Variants in ATP2B4 observed in about 807,000 individuals in gnomAD.
The protein encoded by ATP2B4 is ATPase plasma membrane Ca2+ transporting 4.
Under a neutral mutation model 110.3 loss-of-function variants are expected in ATP2B4, and 39 were observed. That is an observed-to-expected ratio of 0.35 (90% CI 0.27 to 0.46). ATP2B4 has a LOEUF of 0.46. ATP2B4 is among the 20% of genes least tolerant of loss of function. The probability of loss-of-function intolerance (pLI) is 1.00; values close to 1 mark genes in which losing one functional copy is unlikely to be tolerated. For missense variants in ATP2B4, 1,135 were observed against 1,530.9 expected, an observed-to-expected ratio of 0.74 and a Z score of 4.32; for synonymous variants, 538 against 571.7, an observed-to-expected ratio of 0.94 and a Z score of 0.84.
chr1:203,710,388 AT>A (rs1340468199), intron 11 of ATP2B4, among the ~76,000 whole-genome samples: 9 of 152,032 alleles, frequency 5.9e-5, no homozygotes, highest in African/African-American at 9.7e-5. Context: ...AAAAGTGACT[AT>A]TAATAAATTA....
rs998689356 is a variant in ATP2B4, at chr1:203,699,690, G to C, written c.622G>C (p.Val208Leu). 1 of 1,614,034 alleles carries C rather than the reference G, an allele frequency of 6.2e-7. No homozygotes were observed. The highest frequency in any genetic ancestry group is 1.3e-5 in the African/African-American group (1 of 74,910). ...CCAGCTCCCTGTGGCTGAGATTGTG[G>C]TTGGTGATATTGCCCAAGTCAAATA... Reference protein sequence around the residue: ...LIQLPVAEIVVGDIAQVKYGD... With the variant: ...LIQLPVAEIVLGDIAQVKYGD... Residue 208 changes from valine (V) to leucine (L), a missense_variant, in exon 4 of 21, where the codon GTT becomes CTT. Physicochemically the swap from Val to Leu is conservative, Grantham distance 32 (BLOSUM62 1). Coordinates refer to ENST00000357681, the MANE Select transcript of ATP2B4 (RefSeq NM_001684.5).
intron 1 of ATP2B4, among the ~76,000 whole-genome samples, chr1:203,648,605 C>T (rs1428322968): frequency 1.3e-5 from 2 of 152,170 alleles, no homozygotes; most frequent in Non-Finnish European, 2.9e-5. Flanking sequence ...TTGTCCAAGG[C>T]ACCTGTTCGG....
Position 203,649,104 on chromosome 1 carries a change from T to C in ATP2B4, c.-465+21885T>C, listed in dbSNP as rs565247098. Among the ~76,000 whole-genome samples, 12 of 152,310 alleles carry C rather than the reference T, an allele frequency of 7.9e-5. No homozygotes were observed. The South Asian group carries it at 2.5e-3, about 32-fold the overall frequency. On this transcript the variant is annotated intron_variant, in intron 1 of 20. Transcript: ENST00000357681. ...ACAGATTCGTATTTATGGAGATTTT[T>C]GCATGGGAAAGTCCCTCCTTACTCC... is the stretch of plus-strand genomic sequence containing the variant.
chr1:203,735,002 C>CAAA lies in ATP2B4; in HGVS notation c.3310-4523_3310-4521dup, dbSNP rs35552196. On this transcript the variant is annotated intron_variant, in intron 20 of 20. Transcript: ENST00000357681. ...TGGGTGACAGAGACAGACTCCATCT[C>CAAA]AAAAAAAAAAAAAAAAAAAAAAACG... Among the ~76,000 whole-genome samples, 282 of 57,008 alleles carry CAAA rather than the reference C, an allele frequency of 4.9e-3. 5 individuals carry two copies. The highest frequency in any genetic ancestry group is 0.01 in the African/African-American group (132 of 13,114). 37.4% of individuals were successfully genotyped at this position (57,008 alleles called of 152,430 possible).
At chr1:203,712,218 T>G in intron 13 of ATP2B4, 79 bp downstream of exon 13, 1 of 1,479,786 alleles carries the variant, frequency 6.8e-7, no homozygotes, top group Admixed American at 2.0e-5. Context: ...CTGGGTCATG[T>G]GCGGGAAGGT....
At chr1:203,693,886 A>C (rs1006047976) in intron 2 of ATP2B4, among the ~76,000 whole-genome samples, 1 of 152,234 alleles carries the variant, frequency 6.6e-6, no homozygotes, top group African/African-American at 2.4e-5. Context: ...TAGGCAAACC[A>C]GGACAAGTTA....
chr1:203,687,766 G>A (rs1275992671), intron 2 of ATP2B4, among the ~76,000 whole-genome samples: 1 of 151,978 alleles, frequency 6.6e-6, no homozygotes, highest in African/African-American at 2.4e-5. Context: ...CTAAAGGCAG[G>A]TGGGACTTAA....
At chr1:203,669,422 TTGG>T (rs2102342355) in intron 1 of ATP2B4, among the ~76,000 whole-genome samples, 1 of 152,016 alleles carries the variant, frequency 6.6e-6, no homozygotes, top group South Asian at 2.1e-4. Flanking sequence ...AGGACTTTTT[TTGG>T]TTGTTGTTTG....
At chr1:203,723,223 G>A (rs1666388688) in intron 18 of ATP2B4, among the ~76,000 whole-genome samples, 1 of 150,964 alleles carries the variant, frequency 6.6e-6, no homozygotes. Context: ...TCCCTCAGCA[G>A]GGCACCTCCC....
chr1:203,685,765 A>G (rs772062144), intron 2 of ATP2B4, among the ~76,000 whole-genome samples: 1 of 152,152 alleles, frequency 6.6e-6, no homozygotes, highest in Non-Finnish European at 1.5e-5. Context: ...TTCTTTGAAA[A>G]TAATGTTAAT....
chr1:203,634,496 G>T (rs1477030202), intron 1 of ATP2B4, among the ~76,000 whole-genome samples: 1 of 151,942 alleles, frequency 6.6e-6, no homozygotes, highest in Non-Finnish European at 1.5e-5. Flanking sequence ...TGCCAGACTG[G>T]AACTTTAAAT....
chr1:203,640,090 A>G (rs2102304160), intron 1 of ATP2B4, among the ~76,000 whole-genome samples: 1 of 152,276 alleles, frequency 6.6e-6, no homozygotes. Flanking sequence ...ACAGACAAAT[A>G]AGGTATTGTA....
intron 1 of ATP2B4, among the ~76,000 whole-genome samples, chr1:203,650,879 T>C (rs574842749): frequency 2.6e-5 from 4 of 152,372 alleles, no homozygotes; most frequent in African/African-American, 9.6e-5. Flanking sequence ...TTTAAGTTGA[T>C]TGATATTTTT....
At chr1:203,733,310 C>T in intron 20 of ATP2B4, 1 of 1,614,142 alleles carries the variant, frequency 6.2e-7, no homozygotes, top group Non-Finnish European at 8.5e-7. Context: ...TGATGTAAAA[C>T]TTGTTCCTAG....
Position 203,712,039 on chromosome 1 carries a change from G to T in ATP2B4, c.2111G>T (p.Arg704Leu). The T allele has an allele frequency of 6.2e-7, 1 of 1,614,120 alleles. No individual in the cohort carries two copies. The highest frequency in any genetic ancestry group is 1.7e-5 in the Admixed American group (1 of 60,010). ...ACAGGTGACAACATCAACACAGCCCGGGCCATTGCCACCAAATGTGGCATT... is the reference window on the plus strand; with the variant it reads ...ACAGGTGACAACATCAACACAGCCCTGGCCATTGCCACCAAATGTGGCATT... Reference protein sequence around the residue: ...MVTGDNINTARAIATKCGILT... With the variant: ...MVTGDNINTALAIATKCGILT... Residue 704 changes from arginine (R) to leucine (L), a missense_variant, in exon 13 of 21, where the codon CGG (arginine) becomes CTG (leucine). By Grantham distance (102) the Arg-to-Leu change is moderately radical. Around this residue, in one of 9 missense-constraint regions of ATP2B4, gnomAD observed 368 missense variants for 455.9 expected, o/e 0.81. Coordinates refer to ENST00000357681, the MANE Select transcript of ATP2B4 (RefSeq NM_001684.5).
chr1:203,713,646 G>T (rs1377702057), intron 14 of ATP2B4, among the ~76,000 whole-genome samples: 3 of 151,968 alleles, frequency 2.0e-5, no homozygotes, highest in Non-Finnish European at 4.4e-5. Flanking sequence ...TGTATTCTTA[G>T]TAGAGACAAG....
intron 1 of ATP2B4, among the ~76,000 whole-genome samples, chr1:203,680,080 AGG>A (rs1375286438): frequency 1.7e-4 from 23 of 137,882 alleles, no homozygotes; most frequent in African/African-American, 5.9e-4. Context: ...AAAAAAAAAA[AGG>A]AAGGAATTCT....
In ATP2B4 at chr1:203,739,571, G is replaced by A. The variant is rs765380499; in HGVS notation, c.3335G>A (p.Ser1112Asn). ...TQIKVVKAFH[S>N]SLHESIQKPY... ...ATCAAAGTGGTCAAAGCGTTCCATA[G>A]TTCCCTCCACGAAAGCATTCAGAAA... Residue 1112 changes from serine (S) to asparagine (N), a missense_variant, in exon 21 of 21, where the codon AGT becomes AAT. This residue lies in a region of ATP2B4 where 61 missense variants were observed against 123.4 expected (regional missense o/e 0.49). Transcript: ENST00000357681. The A allele has an allele frequency of 8.7e-6, 14 of 1,613,756 alleles. No individual in the cohort carries two copies. The Admixed American group carries it at 2.2e-4, about 25-fold the overall frequency.
intron 1 of ATP2B4, among the ~76,000 whole-genome samples, chr1:203,655,141 T>G (rs1451659337): frequency 6.6e-6 from 1 of 152,176 alleles, no homozygotes; most frequent in Admixed American, 6.5e-5. Context: ...GAGGAGTTGC[T>G]TTTTAGGAAT....
Sources: allele counts gnomAD v4.1 joint callset (sites outside exome capture counted in the v4.1 genomes callset), GRCh38; gene constraint gnomAD v4.1.1; regional missense constraint gnomAD v4.1.1; transcripts MANE v1.5; gene names NCBI Gene and HGNC (gene_info 2026-07-23, HGNC 2026-07-21).